The following DTWD2 variants were observed in gnomAD, a reference collection of about 807,000 sequenced individuals.
DTWD2 encodes the protein tRNA-uridine aminocarboxypropyltransferase 2.
In DTWD2, 39 loss-of-function variants were observed where a neutral mutation model predicts 31.8. The observed-to-expected ratio is 1.22, with a 90% confidence interval of 0.95 to 1.60. The LOEUF (loss-of-function observed/expected upper bound fraction) is 1.60, where lower values mean the gene tolerates loss of function less well. Ranked by LOEUF, DTWD2 falls within the 40% of genes most tolerant of loss-of-function variation. DTWD2 has a pLI of 0.00. For synonymous variants in DTWD2, 180 were observed against 142.8 expected, an observed-to-expected ratio of 1.26 and a Z score of -1.86; for missense variants, 515 against 381.5, an observed-to-expected ratio of 1.35 and a Z score of -2.92.
intron 4 of DTWD2, among the ~76,000 whole-genome samples, chr5:118,878,390 T>C (rs909065277): frequency 9.9e-5 from 15 of 152,118 alleles, no homozygotes; most frequent in African/African-American, 3.6e-4. Context: ...TTGTCAAACC[T>C]CACAAAAACA....
intron 4 of DTWD2, among the ~76,000 whole-genome samples, chr5:118,921,234 A>G (rs185981749): frequency 5.6e-4 from 86 of 152,314 alleles, no homozygotes; most frequent in African/African-American, 2.0e-3. Flanking sequence ...CAACAAAATT[A>G]TGAATAATAT....
chr5:118,865,244 G>A (rs556291675), intron 4 of DTWD2, among the ~76,000 whole-genome samples: 78 of 152,122 alleles, frequency 5.1e-4, no homozygotes, highest in African/African-American at 1.8e-3. Context: ...TTTAAAATAA[G>A]ATACAAAAGC....
intron 4 of DTWD2, among the ~76,000 whole-genome samples, chr5:118,893,999 C>T (rs1426311715): frequency 6.6e-6 from 1 of 150,614 alleles, no homozygotes; most frequent in Non-Finnish European, 1.5e-5. Context: ...ATTTGTGCTG[C>T]ACCAGGCACC....
chr5:118,848,645 C>A (rs1386936017), intron 4 of DTWD2, among the ~76,000 whole-genome samples: 2 of 152,060 alleles, frequency 1.3e-5, no homozygotes, highest in Non-Finnish European at 2.9e-5. Flanking sequence ...GCTACAGTAA[C>A]CAAAATAGCA....
intron 4 of DTWD2, among the ~76,000 whole-genome samples, chr5:118,899,672 C>T (rs1252820260): frequency 6.6e-6 from 1 of 152,090 alleles, no homozygotes; most frequent in Non-Finnish European, 1.5e-5. Flanking sequence ...TCTTCATACT[C>T]CATTCCTGTC....
At chr5:118,893,360 CAAAAAAA>C (rs751616981) in intron 4 of DTWD2, among the ~76,000 whole-genome samples, 3 of 52,592 alleles carry the variant, frequency 5.7e-5, no homozygotes, top group African/African-American at 1.1e-4. Flanking sequence ...GACACAGTCT[CAAAAAAA>C]AAAAAAAAAA....
intron 4 of DTWD2, among the ~76,000 whole-genome samples, chr5:118,874,910 A>C (rs550911810): frequency 1.3e-5 from 2 of 152,182 alleles, no homozygotes; most frequent in African/African-American, 4.8e-5. Flanking sequence ...ACTGATAATC[A>C]TCAGATCCTC....
At position 118,983,626 on chromosome 5, in the gene DTWD2, T is replaced by C. The variant is rs151065474; in HGVS notation, c.218+4668A>G. Among the ~76,000 whole-genome samples the C allele has an allele frequency of 2.0e-4, 30 of 152,112 alleles. No homozygotes were observed. In the East Asian group the frequency reaches 5.2e-3, roughly 26 times the overall value. ...TGTGGAATTAAAAAGCCAGAGAAAA[T>C]ACCAAAACTCAGCATCCTGTTACTA... On this transcript the variant is annotated intron_variant, in intron 1 of 5. Transcript: ENST00000510708.
chr5:118,890,618 T>C (rs896899548), intron 4 of DTWD2, among the ~76,000 whole-genome samples: 1 of 134,168 alleles, frequency 7.5e-6, no homozygotes, highest in African/African-American at 2.8e-5. Context: ...GTCACCAGGC[T>C]GGAGTGCAGT....
At chr5:118,961,782 C>T (rs562131949) in intron 1 of DTWD2, among the ~76,000 whole-genome samples, 2 of 152,228 alleles carry the variant, frequency 1.3e-5, no homozygotes, top group African/African-American at 4.8e-5. Context: ...GGGGGGCATA[C>T]TTCCTCATTT....
intron 4 of DTWD2, among the ~76,000 whole-genome samples, chr5:118,927,880 T>C (rs1561458714): frequency 6.6e-6 from 1 of 152,138 alleles, no homozygotes; most frequent in African/African-American, 2.4e-5. Context: ...CAATTTACTT[T>C]GGAAGTTAAC....
chr5:118,913,219 G>C (rs1373832894), intron 4 of DTWD2, among the ~76,000 whole-genome samples: 2 of 151,780 alleles, frequency 1.3e-5, no homozygotes, highest in African/African-American at 2.4e-5. Context: ...TAGGGGCCAG[G>C]GACATGGCTC....
At chr5:118,870,068 C>G (rs1323606381) in intron 4 of DTWD2, among the ~76,000 whole-genome samples, 1 of 152,170 alleles carries the variant, frequency 6.6e-6, no homozygotes, top group Non-Finnish European at 1.5e-5. Context: ...TGATTGTAAG[C>G]TTCCTGAAGC....
chr5:118,852,008 A>G (rs1330753699), intron 4 of DTWD2, among the ~76,000 whole-genome samples: 1 of 152,112 alleles, frequency 6.6e-6, no homozygotes, highest in African/African-American at 2.4e-5. Context: ...ACACTCCCAG[A>G]GTGGCGGTTT....
At chr5:118,913,049 T>C (rs147872565) in intron 4 of DTWD2, among the ~76,000 whole-genome samples, 8 of 152,334 alleles carry the variant, frequency 5.3e-5, no homozygotes, top group African/African-American at 1.9e-4. Flanking sequence ...TTAACCCACT[T>C]ATGCCTAGCG....
At chr5:118,907,568 T>G (rs1008842297) in intron 4 of DTWD2, among the ~76,000 whole-genome samples, 2 of 151,884 alleles carry the variant, frequency 1.3e-5, no homozygotes, top group African/African-American at 4.8e-5. Flanking sequence ...CCATCTCTAC[T>G]AAAAATACAA....
intron 1 of DTWD2, among the ~76,000 whole-genome samples, chr5:118,982,415 T>A (rs1438465524): frequency 6.6e-6 from 1 of 152,174 alleles, no homozygotes; most frequent in Admixed American, 6.5e-5. Context: ...AAATTCCCTC[T>A]TGACATATAT....
intron 1 of DTWD2, among the ~76,000 whole-genome samples, chr5:118,960,095 G>C (rs1754674131): frequency 6.6e-6 from 1 of 152,042 alleles, no homozygotes; most frequent in East Asian, 1.9e-4. Flanking sequence ...TGACAAATGG[G>C]ACTTAATTAA....
At chr5:118,951,479 G>A (rs1420171546) in intron 1 of DTWD2, among the ~76,000 whole-genome samples, 1 of 152,160 alleles carries the variant, frequency 6.6e-6, no homozygotes, top group Non-Finnish European at 1.5e-5. Flanking sequence ...CTAGACGTCA[G>A]GCACCTCAGA....
Sources: gnomAD v4.1 joint callset for allele counts (sites outside exome capture counted in the v4.1 genomes callset) on GRCh38, gnomAD v4.1.1 for gene constraint, MANE v1.5 for transcripts, NCBI Gene and HGNC (gene_info 2026-07-23, HGNC 2026-07-21) for gene names.